EDIL3: variants seen among roughly 807,000 people sequenced by gnomAD.
EDIL3 encodes EGF-like repeat and discoidin I-like domain-containing protein 3.
A neutral mutation model predicts 67.4 loss-of-function variants in EDIL3; 37 were observed. That is an observed-to-expected ratio of 0.55 (90% CI 0.42 to 0.72). EDIL3 has a LOEUF of 0.72. Among genes scored for constraint, EDIL3 ranks in the 30% least tolerant of loss-of-function variants. The probability of loss-of-function intolerance (pLI) is 0.00; values close to 1 mark genes in which losing one functional copy is unlikely to be tolerated. For synonymous variants in EDIL3, 195 were observed against 196.3 expected (o/e 0.99, Z 0.05); for missense variants, 527 against 586.3 (o/e 0.90, Z 1.04).
At chr5:84,207,268 C>A (rs1744002101) in intron 3 of EDIL3, among the ~76,000 whole-genome samples, 1 of 152,108 alleles carries the variant, frequency 6.6e-6, no homozygotes, top group Admixed American at 6.5e-5. Context: ...AAACAGAGAG[C>A]CAAATGATGA....
chr5:84,282,033 A>AT (rs36059820), intron 1 of EDIL3, among the ~76,000 whole-genome samples: 13,200 of 141,938 alleles, frequency 0.093, 814 homozygotes, highest in East Asian at 0.32. Context: ...CACCCAGCTA[A>AT]TTTTTTTTTT....
At chr5:84,054,516 A>G (rs1456213333) in intron 9 of EDIL3, among the ~76,000 whole-genome samples, 1 of 152,190 alleles carries the variant, frequency 6.6e-6, no homozygotes, top group Non-Finnish European at 1.5e-5. Context: ...AGGAAGTCAA[A>G]TTGTCCCTGT....
At chr5:84,258,037 G>A (rs1745152395) in intron 1 of EDIL3, among the ~76,000 whole-genome samples, 1 of 152,178 alleles carries the variant, frequency 6.6e-6, no homozygotes, top group Non-Finnish European at 1.5e-5. Flanking sequence ...CAACTGTGTT[G>A]GGTGGACAGT....
intron 10 of EDIL3, among the ~76,000 whole-genome samples, chr5:83,961,242 T>G (rs1205326901): frequency 6.6e-6 from 1 of 151,038 alleles, no homozygotes; most frequent in Non-Finnish European, 1.5e-5. Flanking sequence ...ACTGATATAA[T>G]GGCAAGAAGA....
At chr5:84,251,451 T>C (rs996547494) in intron 2 of EDIL3, among the ~76,000 whole-genome samples, 16 of 151,844 alleles carry the variant, frequency 1.1e-4, no homozygotes, top group Admixed American at 3.3e-4. Flanking sequence ...CAGGATGGTC[T>C]TTAGTAATCT....
At chr5:84,084,481 A>T (rs550541914) in intron 6 of EDIL3, among the ~76,000 whole-genome samples, 1 of 152,328 alleles carries the variant, frequency 6.6e-6, no homozygotes, top group African/African-American at 2.4e-5. Flanking sequence ...CTGTAACACA[A>T]GTTTTACAGT....
At chr5:84,046,307 CAAGAT>C (rs749702652) in intron 9 of EDIL3, among the ~76,000 whole-genome samples, 23 of 152,154 alleles carry the variant, frequency 1.5e-4, no homozygotes, top group Non-Finnish European at 1.9e-4. Flanking sequence ...TTATTCAAGA[CAAGAT>C]AAGTGACCAG....
intron 6 of EDIL3, among the ~76,000 whole-genome samples, chr5:84,096,737 T>G (rs1348722200): frequency 6.6e-6 from 1 of 152,136 alleles, no homozygotes; most frequent in East Asian, 1.9e-4. Context: ...TTTTGGACAG[T>G]ACACAGGCAG....
At chr5:84,240,991 C>G (rs1302651624) in intron 2 of EDIL3, among the ~76,000 whole-genome samples, 1 of 152,206 alleles carries the variant, frequency 6.6e-6, no homozygotes, top group Non-Finnish European at 1.5e-5. Flanking sequence ...ATAATGTCTA[C>G]AGATTAAATA....
chr5:84,312,525 C>T (rs548043119), intron 1 of EDIL3, among the ~76,000 whole-genome samples: 264 of 143,534 alleles, frequency 1.8e-3, no homozygotes, highest in African/African-American at 6.6e-3. Context: ...CCCCCCACCT[C>T]CCTCCCGGAC....
intron 1 of EDIL3, among the ~76,000 whole-genome samples, chr5:84,313,049 T>C (rs765865831): frequency 1.3e-5 from 2 of 152,200 alleles, no homozygotes; most frequent in Non-Finnish European, 2.9e-5. Context: ...CTAATAGAAA[T>C]GGTCTGGATT....
At chr5:84,249,397 AT>A (rs1158940191) in intron 2 of EDIL3, among the ~76,000 whole-genome samples, 22 of 150,418 alleles carry the variant, frequency 1.5e-4, no homozygotes, top group African/African-American at 5.5e-4. Flanking sequence ...CTATCTATCT[AT>A]CTATCTATCT....
chr5:84,319,494 C>CAAAAAA lies in EDIL3; in HGVS notation c.67+64808_67+64813dup, dbSNP rs55738450. 6.4e-3 allele frequency among the ~76,000 whole-genome samples: 275 copies of CAAAAAA among 42,774 alleles called. 1 individual carries two copies. Among genetic ancestry groups the CAAAAAA allele is most frequent in the East Asian group, 9.6e-3 (17 of 1,776 alleles). 28.1% of individuals were successfully genotyped at this position (42,774 alleles called of 152,430 possible). The stretch of plus-strand genomic sequence containing the variant: ...AAAAAAAACAAAAAACAAAAAACAA[C>CAAAAAA]AAAAAAAAAAAAAAAAAAAAAAAAA... On this transcript the variant is annotated intron_variant, in intron 1 of 10. Coordinates refer to ENST00000296591, the MANE Select transcript of EDIL3 (RefSeq NM_005711.5).
At chr5:84,246,852 T>G (rs1382307138) in intron 2 of EDIL3, among the ~76,000 whole-genome samples, 1 of 152,202 alleles carries the variant, frequency 6.6e-6, no homozygotes, top group Admixed American at 6.5e-5. Flanking sequence ...ATCAATAAGC[T>G]AATGAGTTTA....
intron 1 of EDIL3, among the ~76,000 whole-genome samples, chr5:84,280,178 T>A (rs1017818287): frequency 6.6e-6 from 1 of 152,170 alleles, no homozygotes; most frequent in Non-Finnish European, 1.5e-5. Context: ...AGGAATCATA[T>A]CCCTCATTGC....
At chr5:84,054,009 A>G (rs1746394902) in intron 9 of EDIL3, among the ~76,000 whole-genome samples, 1 of 152,224 alleles carries the variant, frequency 6.6e-6, no homozygotes. Flanking sequence ...CAACAAAAAA[A>G]GAGAATTTTA....
chr5:84,137,722 C>A (rs1281753716), intron 4 of EDIL3, among the ~76,000 whole-genome samples: 1 of 151,824 alleles, frequency 6.6e-6, no homozygotes, highest in African/African-American at 2.4e-5. Flanking sequence ...CGAGAAACCT[C>A]CCCTGCAGCA....
chr5:84,362,362 T>A (rs1397300550), intron 1 of EDIL3, among the ~76,000 whole-genome samples: 1 of 152,158 alleles, frequency 6.6e-6, no homozygotes, highest in Non-Finnish European at 1.5e-5. Flanking sequence ...TGTATCTTCC[T>A]CATTGTCAGT....
chr5:84,097,395 A>G (rs1295787926), intron 6 of EDIL3, among the ~76,000 whole-genome samples: 1 of 152,242 alleles, frequency 6.6e-6, no homozygotes, highest in African/African-American at 2.4e-5. Context: ...ACATAGTATA[A>G]TGGAAATTTC....
Sources: allele counts gnomAD v4.1 joint callset (sites outside exome capture counted in the v4.1 genomes callset), GRCh38; gene constraint gnomAD v4.1.1; transcripts MANE v1.5; gene names NCBI Gene and HGNC (gene_info 2026-07-23, HGNC 2026-07-21).